Variants in SLIT3 observed in about 807,000 individuals in gnomAD.
SLIT3 encodes slit guidance ligand 3.
SLIT3 carries 68 observed loss-of-function variants against 184.0 expected under a neutral mutation model. The ratio of observed to expected loss-of-function variants is 0.37; its 90% CI spans 0.30 to 0.45. The LOEUF is 0.45. Among genes scored for constraint, SLIT3 ranks in the 20% least tolerant of loss-of-function variants. The pLI is 1.00. For missense variants in SLIT3, 1,707 were observed against 2,026.0 expected (o/e 0.84, Z 3.02); for synonymous variants, 831 against 828.6 (o/e 1.00, Z -0.05).
intron 4 of SLIT3, among the ~76,000 whole-genome samples, chr5:168,992,267 G>A (rs1342871545): frequency 7.2e-5 from 11 of 152,178 alleles, no homozygotes; most frequent in Non-Finnish European, 1.6e-4. Flanking sequence ...CCCAGCCAAG[G>A]AGTCTGTGGA....
At chr5:169,228,683 T>A (rs1183177371) in intron 3 of SLIT3, among the ~76,000 whole-genome samples, 1 of 152,216 alleles carries the variant, frequency 6.6e-6, no homozygotes, top group Non-Finnish European at 1.5e-5. Context: ...TTTTAAAACA[T>A]GAGAATTAAA....
At chr5:169,092,764 T>C (rs1561660056) in intron 4 of SLIT3, among the ~76,000 whole-genome samples, 1 of 152,192 alleles carries the variant, frequency 6.6e-6, no homozygotes, top group Non-Finnish European at 1.5e-5. Context: ...TCCTGTCCCT[T>C]TGTGGTCTTG....
At chr5:168,816,857 C>T (rs576280694) in intron 8 of SLIT3, among the ~76,000 whole-genome samples, 3 of 152,314 alleles carry the variant, frequency 2.0e-5, no homozygotes, top group Non-Finnish European at 4.4e-5. Flanking sequence ...CAAAGTCACA[C>T]ACCACTAAGG....
chr5:168,732,282 A>G (rs1382309448), intron 20 of SLIT3, among the ~76,000 whole-genome samples: 2 of 152,100 alleles, frequency 1.3e-5, no homozygotes, highest in South Asian at 2.1e-4. Flanking sequence ...TATCAGGAGA[A>G]CTACAAAACA....
chr5:169,008,644 T>C (rs1361996421), intron 4 of SLIT3, among the ~76,000 whole-genome samples: 3 of 151,682 alleles, frequency 2.0e-5, no homozygotes, highest in Non-Finnish European at 2.9e-5. Flanking sequence ...TTGTTGTTGC[T>C]GCTGCTGTTG....
intron 1 of SLIT3, among the ~76,000 whole-genome samples, chr5:169,276,540 A>G (rs1766814564): frequency 6.6e-6 from 1 of 152,190 alleles, no homozygotes. Flanking sequence ...GTTTGTAACA[A>G]TTCCTAACAA....
At chr5:169,116,753 A>G (rs1323492288) in intron 4 of SLIT3, among the ~76,000 whole-genome samples, 1 of 152,216 alleles carries the variant, frequency 6.6e-6, no homozygotes, top group Non-Finnish European at 1.5e-5. Flanking sequence ...GCATCAGGAG[A>G]AGAGGCCCTA....
intron 3 of SLIT3, among the ~76,000 whole-genome samples, chr5:169,228,243 T>C (rs984269553): frequency 6.6e-6 from 1 of 152,030 alleles, no homozygotes; most frequent in Non-Finnish European, 1.5e-5. Flanking sequence ...AGAGCGACTG[T>C]GGGACTTTGA....
intron 4 of SLIT3, among the ~76,000 whole-genome samples, chr5:169,091,589 C>A (rs1759587045): frequency 6.6e-6 from 1 of 152,202 alleles, no homozygotes; most frequent in Admixed American, 6.5e-5. Flanking sequence ...CCTTGACAAT[C>A]ACTGAAGCAA....
At chr5:168,898,624 A>G (rs1252291634) in intron 4 of SLIT3, among the ~76,000 whole-genome samples, 5 of 152,186 alleles carry the variant, frequency 3.3e-5, no homozygotes, top group African/African-American at 1.2e-4. Flanking sequence ...AGGGGATTAA[A>G]AGAGGACATA....
chr5:168,748,329 C>A lies in SLIT3; in HGVS notation c.2243G>T (p.Arg748Ile). Reference sequence around the variant, plus strand: ...CTCGGTCACATCCTTGGGCATGCCTCTGGGGAGGGCGCGGAGCCCCTTGTT... The same window carrying A: ...CTCGGTCACATCCTTGGGCATGCCTATGGGGAGGGCGCGGAGCCCCTTGTT... ...CSNKGLRALP[R>I]GMPKDVTELY... The change falls in exon 20 of 36, where the codon AGA becomes ATA. Residue 748 changes from arginine to isoleucine, a missense_variant. By Grantham distance (97) the Arg-to-Ile change is moderately conservative. Transcript: ENST00000519560. 1 of 1,491,200 alleles carries A rather than the reference C, an allele frequency of 6.7e-7. No individual in the cohort carries two copies. The allele number at this position is 1,491,200 out of a possible 1,614,324, so 92.4% of individuals were successfully genotyped here.
chr5:168,858,433 C>T (rs1285459459), intron 5 of SLIT3, among the ~76,000 whole-genome samples: 1 of 152,230 alleles, frequency 6.6e-6, no homozygotes, highest in Non-Finnish European at 1.5e-5. Context: ...GGCTAGTTGT[C>T]TTATAAGCCT....
intron 4 of SLIT3, among the ~76,000 whole-genome samples, chr5:168,982,022 TATATG>T (rs1754965766): frequency 6.6e-6 from 1 of 152,228 alleles, no homozygotes; most frequent in South Asian, 2.1e-4. Flanking sequence ...TAACCACCTA[TATATG>T]ATATTAACCA....
At chr5:169,039,305 GTT>G (rs1248146030) in intron 4 of SLIT3, among the ~76,000 whole-genome samples, 28 of 141,670 alleles carry the variant, frequency 2.0e-4, no homozygotes, top group Admixed American at 4.3e-4. Context: ...TAAGAGTTAA[GTT>G]TTTTTTTGTG....
chr5:169,052,059 A>T (rs889528580), intron 4 of SLIT3, among the ~76,000 whole-genome samples: 2 of 142,104 alleles, frequency 1.4e-5, no homozygotes, highest in Admixed American at 1.4e-4. Flanking sequence ...CTTCAGAAAG[A>T]TGCCCCCCTC....
At chr5:168,718,648 C>G (rs1342199223) in intron 23 of SLIT3, among the ~76,000 whole-genome samples, 1 of 149,720 alleles carries the variant, frequency 6.7e-6, no homozygotes, top group Non-Finnish European at 1.5e-5. Context: ...TCCTGTTGTG[C>G]TCTCCTGAAA....
At chr5:169,235,729 G>A (rs77496806) in intron 3 of SLIT3, among the ~76,000 whole-genome samples, 9,819 of 152,146 alleles carry the variant, frequency 0.065, 404 homozygotes, top group Middle Eastern at 0.12. Context: ...GGACTATTCA[G>A]GTATTTTTTA....
At chr5:168,858,742 A>T (rs994123692) in intron 5 of SLIT3, among the ~76,000 whole-genome samples, 2 of 152,182 alleles carry the variant, frequency 1.3e-5, no homozygotes, top group Non-Finnish European at 2.9e-5. Context: ...TCTTTTCTTT[A>T]AAATGTTCCA....
At position 168,692,673 on chromosome 5, in the gene SLIT3, T is replaced by C. The variant is rs557979396; in HGVS notation, c.3110A>G (p.His1037Arg). The change falls in exon 29 of 36, where the codon CAC becomes CGC. Residue 1037 changes from histidine (H) to arginine (R), a missense_variant. Around this residue, in one of 3 missense-constraint regions of SLIT3, gnomAD observed 1,307 missense variants for 1,511.6 expected, o/e 0.86. Transcript: ENST00000519560. Reference sequence around the variant, plus strand: ...ACAGAGGTTCAGCTCAGGCACACAGTGGTCAATCACCTCGTCGCATAGCTC... The same window carrying C: ...ACAGAGGTTCAGCTCAGGCACACAGCGGTCAATCACCTCGTCGCATAGCTC... ...TGELCDEVID[H>R]CVPELNLCQH... is the part of the protein sequence containing the mutation. The C allele has an allele frequency of 1.1e-5, 18 of 1,614,074 alleles. No homozygotes were observed. The South Asian group carries it at 1.8e-4, about 16-fold the overall frequency.
Sources: gnomAD v4.1 joint callset for allele counts (sites outside exome capture counted in the v4.1 genomes callset) on GRCh38, gnomAD v4.1.1 for gene constraint, gnomAD v4.1.1 regional missense constraint, MANE v1.5 for transcripts, NCBI Gene and HGNC (gene_info 2026-07-23, HGNC 2026-07-21) for gene names.